Variants in TMEFF1 observed in about 807,000 individuals in gnomAD.
The protein encoded by TMEFF1 is transmembrane protein with EGF like and two follistatin like domains 1.
TMEFF1 carries 20 observed loss-of-function variants against 47.5 expected under a neutral mutation model. That is an observed-to-expected ratio of 0.42 (90% CI 0.30 to 0.61). The LOEUF is 0.61. Ranked by LOEUF, TMEFF1 falls within the 20% of genes least tolerant of loss-of-function variation. The pLI is 0.19. For missense variants in TMEFF1, 411 were observed against 471.1 expected, an observed-to-expected ratio of 0.87 and a Z score of 1.18; for synonymous variants, 162 against 166.3, an observed-to-expected ratio of 0.97 and a Z score of 0.20.
At position 100,473,297 on chromosome 9, in the gene TMEFF1, G is replaced by C. The variant is rs1368815591; in HGVS notation, c.-248G>C. 1.3e-5 allele frequency: 2 copies of C among 158,214 alleles called. No individual in the cohort carries two copies. The highest frequency in any genetic ancestry group is 1.3e-4 in the Admixed American group (2 of 15,194). The allele number at this position is 158,214 out of a possible 1,614,324, so 9.8% of individuals were successfully genotyped here. The stretch of plus-strand genomic sequence containing the variant: ...GCCGCGGTGTCCCCCACGCCGGCTC[G>C]CACCCTCGCGCGCACCCTTGCGCGC... On this transcript the variant is annotated 5_prime_UTR_variant, in exon 1 of 10. Coordinates refer to ENST00000374879, the MANE Select transcript of TMEFF1 (RefSeq NM_003692.5). The surrounding 1 kb of genome is among the most constrained non-coding windows in gnomAD (Gnocchi z 5.4).
chr9:100,516,759 C>T lies in TMEFF1; in HGVS notation c.548C>T (p.Ala183Val), dbSNP rs1473621417. 6 of 1,612,772 alleles carry T rather than the reference C, an allele frequency of 3.7e-6. No individual in the cohort carries two copies. The highest frequency in any genetic ancestry group is 5.1e-6 in the Non-Finnish European group (6 of 1,179,582). The stretch of plus-strand genomic sequence containing the variant: ...TATAAAGCTGAGTGTGATGAAGATG[C>T]AGAAAATGTTGGGTGAGTTGGTTGA... Reference protein sequence around the residue: ...CKYKAECDEDAENVGCVCNID... With the variant: ...CKYKAECDEDVENVGCVCNID... Residue 183 changes from alanine (A) to valine (V), a missense_variant, in exon 5 of 10, where the codon GCA (alanine) becomes GTA (valine). Physicochemically the swap from Ala to Val is moderately conservative, Grantham distance 64 (BLOSUM62 0). Transcript: ENST00000374879.
intron 1 of TMEFF1, among the ~76,000 whole-genome samples, chr9:100,490,966 A>G (rs553664193): frequency 6.6e-6 from 1 of 151,702 alleles, no homozygotes; most frequent in South Asian, 2.1e-4. Context: ...TCAGCCTCCA[A>G]AGTAGCTGGG....
chr9:100,475,098 G>A (rs895356530), intron 1 of TMEFF1, among the ~76,000 whole-genome samples: 25 of 152,120 alleles, frequency 1.6e-4, no homozygotes, highest in African/African-American at 6.0e-4. Flanking sequence ...GAGGAGGGAG[G>A]AACATAAGGC....
intron 9 of TMEFF1, among the ~76,000 whole-genome samples, chr9:100,575,490 GAAATGGAGATGATTCC>G (rs1355210675): frequency 2.0e-5 from 3 of 152,150 alleles, no homozygotes; most frequent in African/African-American, 7.2e-5. Flanking sequence ...TCTCATTTAT[GAAATGGAGATGATTCC>G]AACTCTGTCT....
chr9:100,569,627 A>G (rs575851959), intron 8 of TMEFF1, among the ~76,000 whole-genome samples: 1 of 152,258 alleles, frequency 6.6e-6, no homozygotes, highest in Non-Finnish European at 1.5e-5. Context: ...TAAGGTCACA[A>G]AGATTTACTC....
At chr9:100,551,653 G>A (rs1252267874) in intron 7 of TMEFF1, among the ~76,000 whole-genome samples, 1 of 152,100 alleles carries the variant, frequency 6.6e-6, no homozygotes, top group Non-Finnish European at 1.5e-5. Context: ...TTACACATAA[G>A]AATTGATCTC....
intron 2 of TMEFF1, among the ~76,000 whole-genome samples, chr9:100,506,503 C>A (rs1419514659): frequency 6.6e-6 from 1 of 152,030 alleles, no homozygotes; most frequent in Admixed American, 6.6e-5. Flanking sequence ...CAGTGGCTTA[C>A]GCCTGTAATC....
chr9:100,540,421 C>T (rs1319712382), intron 5 of TMEFF1, among the ~76,000 whole-genome samples: 3 of 152,266 alleles, frequency 2.0e-5, no homozygotes, highest in African/African-American at 7.2e-5. Flanking sequence ...CTAGCCTGGG[C>T]ACTCTGGCAG....
chr9:100,518,843 T>C (rs1179296452), intron 5 of TMEFF1, among the ~76,000 whole-genome samples: 2 of 152,166 alleles, frequency 1.3e-5, no homozygotes, highest in African/African-American at 4.8e-5. Flanking sequence ...TCATGGTTGC[T>C]AACCAGGTGA....
chr9:100,500,079 A>G (rs904262604), intron 2 of TMEFF1, among the ~76,000 whole-genome samples: 1 of 152,202 alleles, frequency 6.6e-6, no homozygotes, highest in Non-Finnish European at 1.5e-5. Flanking sequence ...TGCCAAGAGC[A>G]CCTTTCCATA....
chr9:100,541,094 C>T (rs1838618786), intron 5 of TMEFF1, among the ~76,000 whole-genome samples: 2 of 152,106 alleles, frequency 1.3e-5, no homozygotes, highest in African/African-American at 2.4e-5. Flanking sequence ...TTGACTTTCA[C>T]ATTTAGGTCT....
At chr9:100,519,918 T>C (rs1231513212) in intron 5 of TMEFF1, among the ~76,000 whole-genome samples, 1 of 152,102 alleles carries the variant, frequency 6.6e-6, no homozygotes, top group East Asian at 1.9e-4. Context: ...ATACACATGG[T>C]ACTAATAAAT....
intron 1 of TMEFF1, among the ~76,000 whole-genome samples, chr9:100,493,351 A>G (rs951129820): frequency 6.6e-6 from 1 of 152,066 alleles, no homozygotes; most frequent in South Asian, 2.1e-4. Flanking sequence ...CCCCAAAACT[A>G]CCTTTCTTTT....
At chr9:100,499,347 T>C (rs2118321263) in intron 2 of TMEFF1, among the ~76,000 whole-genome samples, 1 of 152,312 alleles carries the variant, frequency 6.6e-6, no homozygotes, top group East Asian at 1.9e-4. Context: ...AACCTCAAAC[T>C]AAGAGTGTAA....
chr9:100,543,667 A>G (rs1054396398), intron 5 of TMEFF1, among the ~76,000 whole-genome samples: 1 of 151,814 alleles, frequency 6.6e-6, no homozygotes, highest in African/African-American at 2.4e-5. Flanking sequence ...TGGGCTGCAC[A>G]TAAAATAAAC....
At chr9:100,522,857 C>G (rs535017265) in intron 5 of TMEFF1, among the ~76,000 whole-genome samples, 1 of 152,298 alleles carries the variant, frequency 6.6e-6, no homozygotes, top group East Asian at 1.9e-4. Flanking sequence ...GCCTCAGCCT[C>G]TCGAATAGCT....
intron 5 of TMEFF1, among the ~76,000 whole-genome samples, chr9:100,538,607 C>A (rs1284483421): frequency 6.6e-6 from 1 of 152,132 alleles, no homozygotes; most frequent in Admixed American, 6.5e-5. Flanking sequence ...ATGATAGGTC[C>A]CTTAATGATC....
intron 1 of TMEFF1, among the ~76,000 whole-genome samples, chr9:100,492,397 TGTA>T (rs1837571673): frequency 6.6e-6 from 1 of 152,216 alleles, no homozygotes; most frequent in African/African-American, 2.4e-5. Flanking sequence ...ATCACATAAT[TGTA>T]GTAACAACTA....
intron 5 of TMEFF1, among the ~76,000 whole-genome samples, chr9:100,524,910 G>T (rs1838227757): frequency 6.6e-6 from 1 of 152,032 alleles, no homozygotes; most frequent in African/African-American, 2.4e-5. Flanking sequence ...CCCCTGGCAG[G>T]CCCCGGTGTG....
Sources: gnomAD v4.1 joint callset for allele counts (sites outside exome capture counted in the v4.1 genomes callset) on GRCh38, gnomAD v4.1.1 for gene constraint, Gnocchi (gnomAD v3.1) non-coding constraint, MANE v1.5 for transcripts, NCBI Gene and HGNC (gene_info 2026-07-23, HGNC 2026-07-21) for gene names.